AGTPBP1: variants seen among roughly 807,000 people sequenced by gnomAD.
AGTPBP1 encodes cytosolic carboxypeptidase 1.
A neutral mutation model predicts 143.9 loss-of-function variants in AGTPBP1; 70 were observed. The ratio of observed to expected loss-of-function variants is 0.49; its 90% CI spans 0.40 to 0.59. The LOEUF (loss-of-function observed/expected upper bound fraction) is 0.59. Among genes scored for constraint, AGTPBP1 ranks in the 20% least tolerant of loss-of-function variants. The probability of loss-of-function intolerance (pLI) is 0.00; values close to 1 mark genes in which losing one functional copy is unlikely to be tolerated. For missense variants in AGTPBP1, 1,229 were observed against 1,464.5 expected (o/e 0.84, Z 2.62); for synonymous variants, 463 against 500.2 (o/e 0.93, Z 0.99).
At chr9:85,714,004 ACAG>A (rs994743741) in intron 1 of AGTPBP1, among the ~76,000 whole-genome samples, 9 of 152,234 alleles carry the variant, frequency 5.9e-5, no homozygotes, top group African/African-American at 2.2e-4. Flanking sequence ...TAATACACTA[ACAG>A]CACATCTCAT....
intron 2 of AGTPBP1, among the ~76,000 whole-genome samples, chr9:85,699,087 G>A (rs945407110): frequency 1.6e-4 from 24 of 151,922 alleles, no homozygotes; most frequent in Non-Finnish European, 3.2e-4. Flanking sequence ...TTGAAAAAAC[G>A]ATCAATGTGT....
chr9:85,725,167 G>C (rs1394407440), intron 1 of AGTPBP1, among the ~76,000 whole-genome samples: 2 of 152,150 alleles, frequency 1.3e-5, no homozygotes, highest in African/African-American at 4.8e-5. Flanking sequence ...GGAAAGCATA[G>C]ACACAGACAT....
intron 2 of AGTPBP1, among the ~76,000 whole-genome samples, chr9:85,707,960 G>GT (rs1368219298): frequency 6.6e-6 from 1 of 152,150 alleles, no homozygotes; most frequent in East Asian, 1.9e-4. Context: ...AATACCTAAT[G>GT]TAGGTGACGG....
intron 2 of AGTPBP1, among the ~76,000 whole-genome samples, chr9:85,694,583 T>C (rs1836109628): frequency 6.6e-6 from 1 of 152,200 alleles, no homozygotes; most frequent in African/African-American, 2.4e-5. Flanking sequence ...TGGGATTCAA[T>C]GACTCTATAC....
At chr9:85,576,549 G>A (rs954222166) in intron 24 of AGTPBP1, among the ~76,000 whole-genome samples, 10 of 152,070 alleles carry the variant, frequency 6.6e-5, no homozygotes, top group African/African-American at 2.4e-4. Flanking sequence ...GTAAGTTTTA[G>A]AAAGGTTATA....
rs774178226 is a variant in AGTPBP1 at position 85,681,259 on chromosome 9, C to G, written c.225+9G>C. The stretch of plus-strand genomic sequence containing the variant: ...GTAGTTACATAATTAAAGCGTGTCA[C>G]TGATTTACCTCTAATGTTGACAGCA... On this transcript the variant is annotated intron_variant, in intron 4 of 25. Transcript: ENST00000357081. 6.2e-7 allele frequency: 1 copy of G among 1,611,570 alleles called. No homozygotes were observed. The highest frequency in any genetic ancestry group is 8.5e-7 in the Non-Finnish European group (1 of 1,179,030).
intron 25 of AGTPBP1, among the ~76,000 whole-genome samples, chr9:85,552,941 G>A (rs960064514): frequency 3.3e-5 from 5 of 152,164 alleles, no homozygotes; most frequent in African/African-American, 9.7e-5. Flanking sequence ...ATTGCTGATT[G>A]TGTCTGATTT....
intron 18 of AGTPBP1, among the ~76,000 whole-genome samples, chr9:85,595,456 T>G (rs1050664158): frequency 6.6e-6 from 1 of 152,210 alleles, no homozygotes. Flanking sequence ...CTCGAGTACT[T>G]AGAGGTGGAG....
intron 1 of AGTPBP1, among the ~76,000 whole-genome samples, chr9:85,727,516 C>T (rs1427384625): frequency 1.3e-5 from 2 of 152,182 alleles, no homozygotes; most frequent in Admixed American, 6.5e-5. Flanking sequence ...ATGAAGAGGA[C>T]ATAAATCTAC....
the AGTPBP1 span, among the ~76,000 whole-genome samples, chr9:85,763,581 A>G: frequency 1.3e-5 from 2 of 151,866 alleles, no homozygotes; most frequent in African/African-American, 4.8e-5. Context: ...ATGAAAATGA[A>G]TATTGATTTA....
At chr9:85,675,913 T>C (rs1564132573) in intron 6 of AGTPBP1, among the ~76,000 whole-genome samples, 1 of 152,190 alleles carries the variant, frequency 6.6e-6, no homozygotes, top group East Asian at 1.9e-4. Context: ...TAGTCCCAGC[T>C]ACTCGGGAGG....
At chr9:85,572,004 G>GGTT (rs1827508534) in intron 25 of AGTPBP1, among the ~76,000 whole-genome samples, 3 of 43,434 alleles carry the variant, frequency 6.9e-5, no homozygotes, top group Non-Finnish European at 1.0e-4. Flanking sequence ...GTTTGTGTGT[G>GGTT]TTTTTTTTTT....
chr9:85,693,161 C>T (rs1157840947), intron 2 of AGTPBP1, among the ~76,000 whole-genome samples: 1 of 152,154 alleles, frequency 6.6e-6, no homozygotes, highest in African/African-American at 2.4e-5. Context: ...ATCCTTCTTC[C>T]CATCCGACTC....
chr9:85,580,802 A>C (rs1217955054), intron 23 of AGTPBP1, among the ~76,000 whole-genome samples: 1 of 152,238 alleles, frequency 6.6e-6, no homozygotes, highest in Non-Finnish European at 1.5e-5. Context: ...ACAAAAATGC[A>C]CAATGGAAAT....
rs543365934 is a variant in AGTPBP1 at position 85,730,726 on chromosome 9, G to A, written c.-34+11049C>T. Among the ~76,000 whole-genome samples the A allele has an allele frequency of 2.6e-5, 4 of 152,242 alleles. No homozygotes were observed. In the South Asian group the frequency reaches 8.3e-4, roughly 32 times the overall value. ...TAAGATCTAAGTTCATCTGGAAGATGGAAACGCACTCTATCTTAGTCCTGG... is the reference window on the plus strand; with the variant it reads ...TAAGATCTAAGTTCATCTGGAAGATAGAAACGCACTCTATCTTAGTCCTGG... On this transcript the variant is annotated intron_variant, in intron 1 of 25. Transcript: ENST00000357081.
intron 8 of AGTPBP1, among the ~76,000 whole-genome samples, chr9:85,665,599 A>G (rs1834084525): frequency 6.6e-6 from 1 of 152,214 alleles, no homozygotes; most frequent in African/African-American, 2.4e-5. Flanking sequence ...TCAAAATTGT[A>G]AAAATCTTAG....
intron 20 of AGTPBP1, 35 bp from the exon 21 acceptor site, chr9:85,588,513 C>T (rs1417296158): frequency 1.3e-6 from 2 of 1,594,106 alleles, no homozygotes; most frequent in Non-Finnish European, 1.7e-6. Context: ...TTAAAATGAA[C>T]AGCTACTAAA....
At chr9:85,775,263 A>T in the AGTPBP1 span, among the ~76,000 whole-genome samples, 1 of 151,962 alleles carries the variant, frequency 6.6e-6, no homozygotes, top group Non-Finnish European at 1.5e-5. Context: ...TGGTCACACC[A>T]CTGCACTCCA....
intron 23 of AGTPBP1, 80 bp downstream of exon 23, chr9:85,585,383 G>A: frequency 1.6e-6 from 2 of 1,268,214 alleles, no homozygotes; most frequent in East Asian, 2.8e-5. Context: ...TATTGAATGT[G>A]AGTAGTTCAT....
Sources: allele counts gnomAD v4.1 joint callset (sites outside exome capture counted in the v4.1 genomes callset), GRCh38; gene constraint gnomAD v4.1.1; transcripts MANE v1.5; gene names NCBI Gene and HGNC (gene_info 2026-07-23, HGNC 2026-07-21).